The following TSHR variants were observed in gnomAD, a reference collection of about 807,000 sequenced individuals.
TSHR encodes the protein thyroid stimulating hormone receptor, also known as thyrotropin receptor.
A neutral mutation model predicts 64.1 loss-of-function variants in TSHR; 51 were observed. That is an observed-to-expected ratio of 0.80 (90% CI 0.64 to 1.01). The LOEUF (loss-of-function observed/expected upper bound fraction) is 1.01. Among genes scored for constraint, TSHR ranks in the 50% least tolerant of loss-of-function variants. TSHR has a pLI of 0.00. For synonymous variants in TSHR, 361 were observed against 361.9 expected (o/e 1.00, Z 0.03); for missense variants, 877 against 942.8 (o/e 0.93, Z 0.91).
At chr14:81,139,094 C>G (rs1031596107) in intron 8 of TSHR, among the ~76,000 whole-genome samples, 16 of 152,094 alleles carry the variant, frequency 1.1e-4, no homozygotes, top group African/African-American at 3.9e-4. Context: ...GTTTTCTTTC[C>G]AAGAATCAAT....
chr14:81,130,998 C>CAA (rs76794218), intron 8 of TSHR, among the ~76,000 whole-genome samples: 10,420 of 67,078 alleles, frequency 0.16, 1,115 homozygotes, highest in East Asian at 0.29. Context: ...ACTCCGTCTC[C>CAA]AAAAAAAAAA....
chr14:81,047,868 G>A (rs189541640), intron 1 of TSHR, among the ~76,000 whole-genome samples: 10 of 151,932 alleles, frequency 6.6e-5, no homozygotes, highest in East Asian at 1.9e-4. Context: ...GGATGGTCTC[G>A]ATCTCCTGAC....
chr14:81,092,435 T>C lies in TSHR; in HGVS notation c.468-96T>C, dbSNP rs1215137456. 15 of 1,083,738 alleles carry C rather than the reference T, an allele frequency of 1.4e-5. No homozygotes were observed. In the Admixed American group the frequency reaches 1.7e-4, roughly 12 times the overall value. 67.1% of individuals were successfully genotyped at this position (1,083,738 alleles called of 1,614,324 possible). On this transcript the variant is annotated intron_variant, in intron 5 of 9. Coordinates refer to ENST00000298171, the MANE Select transcript of TSHR (RefSeq NM_000369.5). ...TAAAAAGAAATAAGATTAAGCTATATTGTGTCCTGTTATTTAAGTGCATAT... is the reference window on the plus strand; with the variant it reads ...TAAAAAGAAATAAGATTAAGCTATACTGTGTCCTGTTATTTAAGTGCATAT...
chr14:81,009,990 C>T (rs1386906689), intron 1 of TSHR, among the ~76,000 whole-genome samples: 1 of 152,028 alleles, frequency 6.6e-6, no homozygotes, highest in Non-Finnish European at 1.5e-5. Context: ...GAATTCACTC[C>T]CGAGTAAATG....
intron 1 of TSHR, among the ~76,000 whole-genome samples, chr14:81,042,715 G>T (rs186081164): frequency 6.6e-6 from 1 of 152,196 alleles, no homozygotes; most frequent in Non-Finnish European, 1.5e-5. Context: ...TAAGTTCTGT[G>T]TTCTGTTGTA....
Position 81,003,846 on chromosome 14 carries a change from A to C in TSHR, c.170+47996A>C, listed in dbSNP as rs1469104443. ...CACTTCACCTATTAGCTTAGGCCAG[A>C]AATGTTGAATCTTCATTCGTCTTTA... On this transcript the variant is annotated intron_variant, in intron 1 of 9. Transcript: ENST00000298171. 3.3e-5 allele frequency among the ~76,000 whole-genome samples: 5 copies of C among 152,230 alleles called. No individual in the cohort carries two copies. The East Asian group carries it at 9.7e-4, about 29-fold the overall frequency.
intron 1 of TSHR, among the ~76,000 whole-genome samples, chr14:80,978,990 TTTC>T (rs1888032448): frequency 6.6e-6 from 1 of 152,242 alleles, no homozygotes; most frequent in East Asian, 1.9e-4. Flanking sequence ...ACTAAACTTA[TTTC>T]ATCCAATTGC....
intron 1 of TSHR, chr14:81,052,337 T>C (rs1164381672): frequency 1.3e-5 from 2 of 152,238 alleles, no homozygotes; most frequent in Admixed American, 1.3e-4. Flanking sequence ...GGCACCTTTG[T>C]TGAAAATCAA....
intron 1 of TSHR, among the ~76,000 whole-genome samples, chr14:81,011,818 C>A (rs914448992): frequency 6.6e-6 from 1 of 151,970 alleles, no homozygotes. Flanking sequence ...CGAGATCGCG[C>A]CACTGCACTC....
chr14:80,973,482 C>G (rs1009851822), intron 1 of TSHR, among the ~76,000 whole-genome samples: 3 of 148,032 alleles, frequency 2.0e-5, no homozygotes, highest in African/African-American at 7.4e-5. Context: ...TTTCCCGTGT[C>G]GAAAGGTTTT....
chr14:81,104,353 C>T lies in TSHR; in HGVS notation c.615-4022C>T, dbSNP rs529458933. ...AGAGTCTCACAACATAATCAAGGCC[C>T]AGCCCAAGTTCCCCATAAAGGGACT... On this transcript the variant is annotated intron_variant, in intron 7 of 9. Transcript: ENST00000298171. The T allele has an allele frequency of 9.1e-6, 9 of 985,290 alleles. No individual in the cohort carries two copies. The South Asian group carries it at 4.2e-4, about 46-fold the overall frequency. The allele number at this position is 985,290 out of a possible 1,614,324, so 61.0% of individuals were successfully genotyped here. A position where few individuals can be genotyped will look rare whatever the true frequency, so the allele number is the denominator to read the frequency against.
At chr14:80,972,833 C>T (rs1887649074) in intron 1 of TSHR, among the ~76,000 whole-genome samples, 1 of 152,180 alleles carries the variant, frequency 6.6e-6, no homozygotes, top group African/African-American at 2.4e-5. Flanking sequence ...TCTACCTATT[C>T]TGGATATTTT....
At chr14:80,979,493 A>G (rs1050407152) in intron 1 of TSHR, among the ~76,000 whole-genome samples, 13 of 152,212 alleles carry the variant, frequency 8.5e-5, no homozygotes, top group African/African-American at 3.1e-4. Context: ...TGTATTGTTT[A>G]TTTCCAAATA....
At position 81,136,963 on chromosome 14, in the gene TSHR, A is replaced by G. The variant is rs532387204; in HGVS notation, c.693-2716A>G. ...TGAAGACTAGCTCCTGGGACACTGAAGCTGAGAACTCCAGACCCAAATGAT... is the reference window on the plus strand; with the variant it reads ...TGAAGACTAGCTCCTGGGACACTGAGGCTGAGAACTCCAGACCCAAATGAT... On this transcript the variant is annotated intron_variant, in intron 8 of 9. Coordinates refer to ENST00000298171, the MANE Select transcript of TSHR (RefSeq NM_000369.5). 2.0e-5 allele frequency among the ~76,000 whole-genome samples: 3 copies of G among 152,328 alleles called. 1 individual carries two copies. Among genetic ancestry groups the G allele is most frequent in the African/African-American group, 7.2e-5 (3 of 41,574 alleles).
intron 1 of TSHR, among the ~76,000 whole-genome samples, chr14:81,006,942 C>A (rs1286840947): frequency 3.9e-5 from 6 of 152,130 alleles, no homozygotes; most frequent in Non-Finnish European, 8.8e-5. Context: ...AATCAATAAA[C>A]AAATATTGAT....
intron 8 of TSHR, among the ~76,000 whole-genome samples, chr14:81,114,839 A>C (rs1005244652): frequency 6.6e-6 from 1 of 152,190 alleles, no homozygotes; most frequent in Non-Finnish European, 1.5e-5. Context: ...ATCTGAGAAC[A>C]GGCAGACTGC....
rs759300253 is a variant in TSHR, at chr14:81,143,861, T to A, written c.1803T>A (p.Tyr601Ter). Residue 601 changes from tyrosine to a stop codon, truncating the protein, a stop_gained, in exon 10 of 10, where the codon TAT becomes TAA. Coordinates refer to ENST00000298171, the MANE Select transcript of TSHR (RefSeq NM_000369.5). LOFTEE classifies it high-confidence loss of function. ...CCTTCGTCATCGTCTGCTGCTGTTA[T>A]GTGAAGATCTACATCACAGTCCGAA... Reference protein sequence around the residue: ...IVAFVIVCCCYVKIYITVRNP... With the variant: ...IVAFVIVCCC 6 of 1,614,026 alleles carry A rather than the reference T, an allele frequency of 3.7e-6. No homozygotes were observed. The South Asian group carries it at 4.4e-5, about 12-fold the overall frequency.
Position 80,999,935 on chromosome 14 carries a change from C to CT in TSHR, c.170+44099dup, listed in dbSNP as rs557662208. Among the ~76,000 whole-genome samples the CT allele has an allele frequency of 8.3e-3, 1,134 of 136,332 alleles. 24 individuals are homozygous for CT. Among genetic ancestry groups the CT allele is most frequent in the African/African-American group, 0.022 (813 of 37,160 alleles). The allele number at this position is 136,332 out of a possible 152,430, so 89.4% of individuals were successfully genotyped here. A position where few individuals can be genotyped will look rare whatever the true frequency, so the allele number is the denominator to read the frequency against. On this transcript the variant is annotated intron_variant, in intron 1 of 9. Coordinates refer to ENST00000298171, the MANE Select transcript of TSHR (RefSeq NM_000369.5). ...CTACCAAATTTTTTTTCTTTTTTTTCTTTTTTTTTTTTTTGAGACAGACTC... is the reference window on the plus strand; with the variant it reads ...CTACCAAATTTTTTTTCTTTTTTTTCTTTTTTTTTTTTTTTGAGACAGACTC...
chr14:81,023,821 G>T (rs1362736930), intron 1 of TSHR, among the ~76,000 whole-genome samples: 1 of 152,130 alleles, frequency 6.6e-6, no homozygotes, highest in Non-Finnish European at 1.5e-5. Flanking sequence ...GCACAAAACA[G>T]TAGAGGTAGC....
Sources: gnomAD v4.1 joint callset for allele counts (sites outside exome capture counted in the v4.1 genomes callset) on GRCh38, gnomAD v4.1.1 for gene constraint, MANE v1.5 for transcripts, NCBI Gene and HGNC (gene_info 2026-07-23, HGNC 2026-07-21) for gene names.